CNTN3: variants seen among roughly 807,000 people sequenced by gnomAD.
The protein encoded by CNTN3 is contactin 3.
Under a neutral mutation model 119.1 loss-of-function variants are expected in CNTN3, and 60 were observed. That is an observed-to-expected ratio of 0.50 (90% CI 0.41 to 0.62). The LOEUF (loss-of-function observed/expected upper bound fraction) is 0.62, where lower values mean the gene tolerates loss of function less well. Ranked by LOEUF, CNTN3 falls within the 20% of genes least tolerant of loss-of-function variation. The pLI, the probability that CNTN3 is intolerant of heterozygous loss-of-function variation, is 0.00. For synonymous variants in CNTN3, 450 were observed against 438.7 expected, an observed-to-expected ratio of 1.03 and a Z score of -0.32; for missense variants, 1,101 against 1,242.4, an observed-to-expected ratio of 0.89 and a Z score of 1.71.
intron 1 of CNTN3, among the ~76,000 whole-genome samples, chr3:74,599,513 A>C (rs556872727): frequency 2.0e-5 from 3 of 152,238 alleles, no homozygotes; most frequent in South Asian, 4.1e-4. Flanking sequence ...AACTCAGATC[A>C]TCAGGCATTA....
At chr3:74,546,459 A>G (rs1190785379) in intron 1 of CNTN3, among the ~76,000 whole-genome samples, 2 of 152,228 alleles carry the variant, frequency 1.3e-5, no homozygotes, top group African/African-American at 2.4e-5. Context: ...CTCACCCTCA[A>G]TGTGGGTGGG....
At position 74,496,787 on chromosome 3, in the gene CNTN3, G is replaced by A. The variant is rs567655686; in HGVS notation, c.182+2872C>T. On this transcript the variant is annotated intron_variant, in intron 3 of 22. Transcript: ENST00000263665. ...AATATAGGCTTTGGGGCTCAGGCAGGGAACTGCAAAAGAAAGAATAAAATC... is the reference window on the plus strand; with the variant it reads ...AATATAGGCTTTGGGGCTCAGGCAGAGAACTGCAAAAGAAAGAATAAAATC... Among the ~76,000 whole-genome samples, 7 of 152,120 alleles carry A rather than the reference G, an allele frequency of 4.6e-5. No individual in the cohort carries two copies. The East Asian group carries it at 1.4e-3, about 29-fold the overall frequency.
intron 11 of CNTN3, among the ~76,000 whole-genome samples, chr3:74,351,352 CCTCA>C (rs1703809333): frequency 6.6e-6 from 1 of 152,138 alleles, no homozygotes; most frequent in Non-Finnish European, 1.5e-5. Context: ...TTAACTCATC[CCTCA>C]CTAAGAGTGT....
At position 74,375,482 on chromosome 3, in the gene CNTN3, G is replaced by A. The variant is rs748244235; in HGVS notation, c.455-4083C>T. On this transcript the variant is annotated intron_variant, in intron 5 of 22. Coordinates refer to ENST00000263665, the MANE Select transcript of CNTN3 (RefSeq NM_020872.3). ...AAATATGTTACTTGACATGACAAGG[G>A]GTAATCCACAGACACGATTAAGTTA... Among the ~76,000 whole-genome samples the A allele has an allele frequency of 7.1e-4, 108 of 152,208 alleles. 2 individuals are homozygous for A. The highest frequency in any genetic ancestry group is 3.4e-3 in the Middle Eastern group (1 of 294).
chr3:74,446,699 C>CTTTTTTTTTTTTTATT (rs1575733179), intron 4 of CNTN3, among the ~76,000 whole-genome samples: 1 of 61,464 alleles, frequency 1.6e-5, no homozygotes, highest in Admixed American at 1.7e-4. Flanking sequence ...TTTTTTTTTG[C>CTTTTTTTTTTTTTATT]TTTTTTGAAT....
chr3:74,418,202 T>C (rs906262253), intron 5 of CNTN3, among the ~76,000 whole-genome samples: 2 of 152,046 alleles, frequency 1.3e-5, no homozygotes, highest in African/African-American at 4.8e-5. Flanking sequence ...TTCTGTTTTT[T>C]CCCCCTAAAG....
intron 1 of CNTN3, among the ~76,000 whole-genome samples, chr3:74,545,346 C>G (rs1368056376): frequency 2.6e-5 from 4 of 152,060 alleles, no homozygotes; most frequent in African/African-American, 9.7e-5. Context: ...TGCTGTGTGG[C>G]CACCTACATC....
chr3:74,438,111 A>T (rs1701902490), intron 4 of CNTN3, among the ~76,000 whole-genome samples: 1 of 152,216 alleles, frequency 6.6e-6, no homozygotes, highest in South Asian at 2.1e-4. Flanking sequence ...AAATGACATT[A>T]TTCTGAATAT....
chr3:74,397,836 A>C (rs1018338192), intron 5 of CNTN3, among the ~76,000 whole-genome samples: 1 of 152,164 alleles, frequency 6.6e-6, no homozygotes, highest in Non-Finnish European at 1.5e-5. Flanking sequence ...GTCTGGAAAA[A>C]GTGGATTCTA....
rs145622600 is a variant in CNTN3 at position 74,578,144 on chromosome 3, A to G, written c.-81+36247T>C. On this transcript the variant is annotated intron_variant, in intron 1 of 22. Coordinates refer to ENST00000263665, the MANE Select transcript of CNTN3 (RefSeq NM_020872.3). Reference sequence around the variant, plus strand: ...GAATGACTACATATTTGAAATCCACATTTTTGCTCAGTAAGTTATTAGCAG... The same window carrying G: ...GAATGACTACATATTTGAAATCCACGTTTTTGCTCAGTAAGTTATTAGCAG... Among the ~76,000 whole-genome samples the G allele has an allele frequency of 1.7e-3, 259 of 152,082 alleles. 2 individuals are homozygous for G. The highest frequency in any genetic ancestry group is 5.9e-3 in the African/African-American group (245 of 41,544).
At chr3:74,580,267 A>T (rs1280572706) in intron 1 of CNTN3, among the ~76,000 whole-genome samples, 1 of 152,196 alleles carries the variant, frequency 6.6e-6, no homozygotes, top group African/African-American at 2.4e-5. Context: ...CCTTCCCATA[A>T]AGAGTGCTTC....
At chr3:74,569,056 G>A (rs961869109) in intron 1 of CNTN3, among the ~76,000 whole-genome samples, 9 of 152,192 alleles carry the variant, frequency 5.9e-5, no homozygotes, top group African/African-American at 1.2e-4. Context: ...CTTTAAGCCC[G>A]GAGCCATATG....
intron 4 of CNTN3, 39 bp downstream of exon 4, chr3:74,486,417 C>A (rs1182177336): frequency 6.5e-7 from 1 of 1,534,576 alleles, no homozygotes; most frequent in Admixed American, 2.4e-5. Context: ...TACATATTTT[C>A]TAATGTTGGA....
At chr3:74,267,785 C>CA (rs1325017238) in intron 20 of CNTN3, among the ~76,000 whole-genome samples, 6 of 151,998 alleles carry the variant, frequency 3.9e-5, no homozygotes, top group Non-Finnish European at 8.8e-5. Context: ...CTCTATCTAC[C>CA]ACTAGAGGGC....
At chr3:74,538,683 G>A (rs1703799303) in intron 1 of CNTN3, among the ~76,000 whole-genome samples, 1 of 152,126 alleles carries the variant, frequency 6.6e-6, no homozygotes, top group South Asian at 2.1e-4. Context: ...GGATATAAAG[G>A]ATGTATGGAC....
intron 5 of CNTN3, among the ~76,000 whole-genome samples, chr3:74,410,949 A>G (rs1489624782): frequency 1.3e-5 from 2 of 152,162 alleles, no homozygotes; most frequent in Non-Finnish European, 2.9e-5. Context: ...TGAACAGTCA[A>G]GCTGAATCTG....
chr3:74,331,701 G>C (rs1703268261), intron 13 of CNTN3, among the ~76,000 whole-genome samples: 1 of 152,138 alleles, frequency 6.6e-6, no homozygotes, highest in East Asian at 1.9e-4. Flanking sequence ...TTTTCCTGCT[G>C]ATTTAATGAT....
intron 13 of CNTN3, among the ~76,000 whole-genome samples, chr3:74,321,320 T>C (rs1702982807): frequency 6.6e-6 from 1 of 152,078 alleles, no homozygotes. Context: ...TATGATTTTA[T>C]CTCAATAAAA....
At chr3:74,297,276 AG>A (rs1702358251) in intron 18 of CNTN3, among the ~76,000 whole-genome samples, 1 of 152,122 alleles carries the variant, frequency 6.6e-6, no homozygotes. Flanking sequence ...GCTGGAACGT[AG>A]GAAGTGTTCC....
Sources: allele counts gnomAD v4.1 joint callset (sites outside exome capture counted in the v4.1 genomes callset), GRCh38; gene constraint gnomAD v4.1.1; transcripts MANE v1.5; gene names NCBI Gene and HGNC (gene_info 2026-07-23, HGNC 2026-07-21).